Variants in SCD5 observed in about 807,000 individuals in gnomAD.
SCD5 encodes stearoyl-CoA desaturase 5.
A neutral mutation model predicts 30.4 loss-of-function variants in SCD5; 20 were observed. The observed-to-expected ratio is 0.66, with a 90% confidence interval of 0.46 to 0.96. The LOEUF (loss-of-function observed/expected upper bound fraction) is 0.96, where lower values mean the gene tolerates loss of function less well. Ranked by LOEUF, SCD5 falls within the 40% of genes least tolerant of loss-of-function variation. The pLI, the probability that SCD5 is intolerant of heterozygous loss-of-function variation, is 0.00. For synonymous variants in SCD5, 173 were observed against 176.4 expected (o/e 0.98, Z 0.16); for missense variants, 381 against 443.3 (o/e 0.86, Z 1.26).
intron 3 of SCD5, among the ~76,000 whole-genome samples, chr4:82,679,268 G>T (rs12503452): frequency 9.5e-6 from 1 of 105,440 alleles, no homozygotes; most frequent in Non-Finnish European, 2.0e-5. Context: ...AAGAAGGAAG[G>T]AAAGAAAGAA....
At chr4:82,714,758 A>G (rs1323857136) in intron 1 of SCD5, among the ~76,000 whole-genome samples, 2 of 152,216 alleles carry the variant, frequency 1.3e-5, no homozygotes, top group African/African-American at 4.8e-5. Context: ...TCATTGGAGC[A>G]TTTTGGATTT....
intron 3 of SCD5, among the ~76,000 whole-genome samples, chr4:82,637,086 A>G (rs1434804574): frequency 6.6e-6 from 1 of 152,224 alleles, no homozygotes; most frequent in African/African-American, 2.4e-5. Context: ...ATACCTCAGA[A>G]TAACTTCAGT....
At position 82,796,009 on chromosome 4, in the gene SCD5, G is replaced by A. The variant is rs541793159; in HGVS notation, c.232+2297C>T. Among the ~76,000 whole-genome samples, 5 of 151,886 alleles carry A rather than the reference G, an allele frequency of 3.3e-5. No homozygotes were observed. In the South Asian group the frequency reaches 6.2e-4, roughly 19 times the overall value. ...TTACGGGCCGGGCGCAGTGGCTCAC[G>A]CCTGTAATTCCAGCAGTTTAGGAGG... On this transcript the variant is annotated intron_variant, in intron 1 of 4. Coordinates refer to ENST00000319540, the MANE Select transcript of SCD5 (RefSeq NM_001037582.3).
chr4:82,687,908 T>A (rs7677187), intron 2 of SCD5, among the ~76,000 whole-genome samples: 47,177 of 152,132 alleles, frequency 0.31, 8,998 homozygotes, highest in Admixed American at 0.42. Flanking sequence ...GACACTGTCT[T>A]TTAAGGCCCA....
intron 1 of SCD5, among the ~76,000 whole-genome samples, chr4:82,718,280 A>G (rs2148831370): frequency 6.6e-6 from 1 of 151,912 alleles, no homozygotes; most frequent in African/African-American, 2.4e-5. Flanking sequence ...GAGAGGCCCT[A>G]GGCATCACTG....
intron 1 of SCD5, among the ~76,000 whole-genome samples, chr4:82,789,865 T>C (rs2148853986): frequency 6.6e-6 from 1 of 151,810 alleles, no homozygotes; most frequent in East Asian, 1.9e-4. Context: ...GTGGAAAGAG[T>C]ACAGGTCAAA....
At chr4:82,678,905 T>C (rs1336296436) in intron 3 of SCD5, among the ~76,000 whole-genome samples, 2 of 152,120 alleles carry the variant, frequency 1.3e-5, no homozygotes, top group Non-Finnish European at 1.5e-5. Context: ...AATTATTAAT[T>C]GAAAATATCT....
chr4:82,742,418 C>T (rs1165040021), intron 1 of SCD5, among the ~76,000 whole-genome samples: 1 of 152,168 alleles, frequency 6.6e-6, no homozygotes, highest in African/African-American at 2.4e-5. Context: ...ACCCCAGCAG[C>T]AAGAAACTAG....
Position 82,674,737 on chromosome 4 carries a change from A to G in SCD5, c.569+5970T>C, listed in dbSNP as rs909250905. On this transcript the variant is annotated intron_variant, in intron 3 of 4. Coordinates refer to ENST00000319540, the MANE Select transcript of SCD5 (RefSeq NM_001037582.3). ...CAACCAAGATGTCCTCCACTGGGTGAATGGATAAATAAACTTCAATAGATC... is the reference window on the plus strand; with the variant it reads ...CAACCAAGATGTCCTCCACTGGGTGGATGGATAAATAAACTTCAATAGATC... 1.7e-4 allele frequency among the ~76,000 whole-genome samples: 26 copies of G among 152,206 alleles called. 1 individual carries two copies. Among genetic ancestry groups the G allele is most frequent in the Admixed American group, 2.6e-4 (4 of 15,274 alleles).
chr4:82,641,367 G>A lies in SCD5; in HGVS notation c.570-4544C>T, dbSNP rs193074198. Reference sequence around the variant, plus strand: ...TATATATCTGGTATATTCTGGCAGGGAAGACAATGAACAATATAAATAAGC... The same window carrying A: ...TATATATCTGGTATATTCTGGCAGGAAAGACAATGAACAATATAAATAAGC... On this transcript the variant is annotated intron_variant, in intron 3 of 4. Transcript: ENST00000319540. Among the ~76,000 whole-genome samples, 124 of 151,836 alleles carry A rather than the reference G, an allele frequency of 8.2e-4. 2 individuals carry two copies. The East Asian group carries it at 0.017, about 21-fold the overall frequency.
intron 1 of SCD5, among the ~76,000 whole-genome samples, chr4:82,794,202 C>T (rs760305174): frequency 3.9e-4 from 60 of 152,284 alleles, no homozygotes; most frequent in Middle Eastern, 6.8e-3. Flanking sequence ...CACCAGAGAA[C>T]GCTATATCTG....
chr4:82,788,901 C>T (rs950122187), intron 1 of SCD5, among the ~76,000 whole-genome samples: 2 of 152,226 alleles, frequency 1.3e-5, no homozygotes, highest in Non-Finnish European at 2.9e-5. Flanking sequence ...AGAAAACAAA[C>T]CTGCTATTTG....
intron 3 of SCD5, among the ~76,000 whole-genome samples, chr4:82,638,020 A>G (rs1165048139): frequency 6.6e-6 from 1 of 151,886 alleles, no homozygotes; most frequent in East Asian, 1.9e-4. Flanking sequence ...GACAGGCCCC[A>G]GTGTGTGTTG....
intron 4 of SCD5, among the ~76,000 whole-genome samples, chr4:82,632,359 A>G (rs1341403553): frequency 2.0e-5 from 3 of 152,134 alleles, no homozygotes; most frequent in Non-Finnish European, 4.4e-5. Context: ...CACAAACGAC[A>G]TGAACTCATC....
In SCD5 at chr4:82,705,447, G is replaced by A. The variant is rs1466369257; in HGVS notation, c.233-34C>T. ...CACAAGCAGGGACAACGTCAACAAT[G>A]GTCCCTGAGCTTTCAAACACCCCCC... On this transcript the variant is annotated intron_variant, in intron 1 of 4. Coordinates refer to ENST00000319540, the MANE Select transcript of SCD5 (RefSeq NM_001037582.3). The A allele has an allele frequency of 1.9e-6, 3 of 1,612,632 alleles. No homozygotes were observed. The African/African-American group carries it at 4.0e-5, about 22-fold the overall frequency.
At chr4:82,764,979 G>A (rs1376555616) in intron 1 of SCD5, among the ~76,000 whole-genome samples, 1 of 152,008 alleles carries the variant, frequency 6.6e-6, no homozygotes, top group Non-Finnish European at 1.5e-5. Flanking sequence ...CACCCACCTT[G>A]GCCTCCCAAA....
intron 1 of SCD5, among the ~76,000 whole-genome samples, chr4:82,746,858 C>T (rs13116221): frequency 0.43 from 64,878 of 151,874 alleles, 17,103 homozygotes; most frequent in South Asian, 0.59. Context: ...CACTTTTACA[C>T]TCAAGGGTTG....
At chr4:82,712,283 TATATATATATA>T (rs1720121087) in intron 1 of SCD5, among the ~76,000 whole-genome samples, 1 of 48,390 alleles carries the variant, frequency 2.1e-5, no homozygotes, top group African/African-American at 1.1e-4. Flanking sequence ...TATATATATA[TATATATATATA>T]TATTTTATTT....
intron 2 of SCD5, chr4:82,698,030 C>T (rs1451701868): frequency 2.2e-6 from 1 of 456,684 alleles, no homozygotes; most frequent in Admixed American, 2.3e-5. Context: ...CTTCCAAAAT[C>T]ACACCAGGAA....
Sources: gnomAD v4.1 joint callset for allele counts (sites outside exome capture counted in the v4.1 genomes callset) on GRCh38, gnomAD v4.1.1 for gene constraint, MANE v1.5 for transcripts, NCBI Gene and HGNC (gene_info 2026-07-23, HGNC 2026-07-21) for gene names.